The following ZCCHC8 variants were observed in gnomAD, a reference collection of about 807,000 sequenced individuals.
The protein encoded by ZCCHC8 is zinc finger CCHC-type containing 8.
In ZCCHC8, 27 loss-of-function variants were observed where a neutral mutation model predicts 70.6. The observed-to-expected ratio is 0.38, with a 90% CI of 0.28 to 0.53. The LOEUF is 0.53. Among genes scored for constraint, ZCCHC8 ranks in the 20% least tolerant of loss-of-function variants. ZCCHC8 has a pLI of 0.81. For synonymous variants in ZCCHC8, 293 were observed against 317.4 expected (o/e 0.92, Z 0.82); for missense variants, 737 against 876.9 (o/e 0.84, Z 2.01).
chr12:122,479,139 G>A (rs886573584), intron 11 of ZCCHC8, among the ~76,000 whole-genome samples: 23 of 152,182 alleles, frequency 1.5e-4, no homozygotes, highest in African/African-American at 3.9e-4. Context: ...GCAATGGCAC[G>A]ATCTCGGCTC....
intron 13 of ZCCHC8, among the ~76,000 whole-genome samples, chr12:122,475,265 G>A (rs1957396723): frequency 6.6e-6 from 1 of 152,046 alleles, no homozygotes; most frequent in African/African-American, 2.4e-5. Flanking sequence ...GGCTGGTTTC[G>A]AACTCCTGAT....
chr12:122,499,737 G>A (rs1170409192), intron 1 of ZCCHC8: 5 of 152,400 alleles, frequency 3.3e-5, no homozygotes, highest in Admixed American at 6.5e-5. Flanking sequence ...AGCTATTCGG[G>A]AGGCTGAGGC....
chr12:122,478,329 T>C (rs1215480754), intron 11 of ZCCHC8, 37 bp from the exon 12 acceptor site: 4 of 1,447,836 alleles, frequency 2.8e-6, no homozygotes, highest in Non-Finnish European at 3.8e-6. Flanking sequence ...AAAACACATG[T>C]ATTTGGAAAA....
chr12:122,476,840 C>T (rs1051327185), intron 13 of ZCCHC8, among the ~76,000 whole-genome samples: 6 of 151,222 alleles, frequency 4.0e-5, no homozygotes, highest in Admixed American at 6.6e-5. Context: ...CTGGCTAACA[C>T]GGAGAAACTC....
chr12:122,488,863 T>C (rs1593326172), intron 5 of ZCCHC8, among the ~76,000 whole-genome samples: 2 of 141,266 alleles, frequency 1.4e-5, no homozygotes, highest in Non-Finnish European at 3.0e-5. Flanking sequence ...AGGGCAAGAC[T>C]CCGTTTCAAA....
chr12:122,477,732 G>A (rs963746419), intron 13 of ZCCHC8, 109 bp downstream of exon 13: 2 of 833,762 alleles, frequency 2.4e-6, no homozygotes, highest in African/African-American at 1.7e-5. Flanking sequence ...AGAGGTTGCG[G>A]TGAGCCGAGA....
chr12:122,482,096 T>C lies in ZCCHC8; in HGVS notation c.733-9A>G, dbSNP rs778293051. On this transcript the variant is annotated splice_polypyrimidine_tract_variant and intron_variant, in intron 8 of 13. Transcript: ENST00000633063. ...CGAGCAGCATTCCGAGGCTACATCATGACACATTTGAAAAGAATGGTTTCA... is the reference window on the plus strand; with the variant it reads ...CGAGCAGCATTCCGAGGCTACATCACGACACATTTGAAAAGAATGGTTTCA... 1 of 1,591,448 alleles carries C rather than the reference T, an allele frequency of 6.3e-7. No individual in the cohort carries two copies. The highest frequency in any genetic ancestry group is 8.5e-7 in the Non-Finnish European group (1 of 1,172,228).
intron 3 of ZCCHC8, among the ~76,000 whole-genome samples, chr12:122,491,697 G>A (rs1044037957): frequency 2.6e-5 from 4 of 151,480 alleles, no homozygotes; most frequent in Non-Finnish European, 5.9e-5. Context: ...GCATGGTGGT[G>A]CATGCCTGTA....
Position 122,497,153 on chromosome 12 carries a change from C to CA in ZCCHC8, c.242+1673dup, listed in dbSNP as rs113245489. Among the ~76,000 whole-genome samples the CA allele has an allele frequency of 4.3e-3, 612 of 142,420 alleles. 2 individuals are homozygous for CA. The highest frequency in any genetic ancestry group is 0.013 in the African/African-American group (519 of 39,090). The allele number at this position is 142,420 out of a possible 152,430, so 93.4% of individuals were successfully genotyped here. A position where few individuals can be genotyped will look rare whatever the true frequency, so the allele number is the denominator to read the frequency against. ...TGGGCGACAGAGCGAGACTCCATCT[C>CA]AAAAAAAAAAAATCTGAAATATTTC... On this transcript the variant is annotated intron_variant, in intron 2 of 13. Coordinates refer to ENST00000633063, the MANE Select transcript of ZCCHC8 (RefSeq NM_017612.5).
rs1957900930 is a variant in ZCCHC8, at chr12:122,500,275, G to A, written c.199+367C>T. On this transcript the variant is annotated intron_variant, in intron 1 of 13. Transcript: ENST00000633063. This position sits in a 1 kb window ranked among gnomAD's most constrained non-coding sequence, Gnocchi z 4.8. ...CAACTGTAACATGACGGCACAATTT[G>A]AGCGTGGCTGCGAAATATGAAACCT... 2 of 233,982 alleles carry A rather than the reference G, an allele frequency of 8.5e-6. No homozygotes were observed. The highest frequency in any genetic ancestry group is 2.3e-5 in the African/African-American group (1 of 42,772). The allele number at this position is 233,982 out of a possible 1,614,324, so 14.5% of individuals were successfully genotyped here.
At chr12:122,495,847 CAAAAAAAAAAAAAAAAAAAAAAAA>C (rs538311699) in intron 2 of ZCCHC8, among the ~76,000 whole-genome samples, 6 of 78,330 alleles carry the variant, frequency 7.7e-5, no homozygotes, top group Admixed American at 1.6e-4. Context: ...CACTCTGTCT[CAAAAAAAAAAAAAAAAAAAAAAAA>C]AAAAAAAAAA....
chr12:122,498,360 C>T (rs1957861085), intron 2 of ZCCHC8, among the ~76,000 whole-genome samples: 1 of 152,018 alleles, frequency 6.6e-6, no homozygotes, highest in East Asian at 1.9e-4. Context: ...TCGAACTGAC[C>T]TCAGTTGATC....
At position 122,500,586 on chromosome 12, in the gene ZCCHC8, T is replaced by C. The variant is rs550124377; in HGVS notation, c.199+56A>G. 3 of 1,501,296 alleles carry C rather than the reference T, an allele frequency of 2.0e-6. No individual in the cohort carries two copies. In the South Asian group the frequency reaches 3.7e-5, roughly 19 times the overall value. The allele number at this position is 1,501,296 out of a possible 1,614,324, so 93.0% of individuals were successfully genotyped here. On this transcript the variant is annotated intron_variant, in intron 1 of 13. Transcript: ENST00000633063. This position sits in a 1 kb window ranked among gnomAD's most constrained non-coding sequence, Gnocchi z 4.8. ...CCCGGCGCTGCCCCGGCCCCACGCC[T>C]GGCGCTGCCCCGGCCCCACACCCGG...
In ZCCHC8 at chr12:122,483,136, T is replaced by C. The variant is rs543771199; in HGVS notation, c.671+143A>G. ...ATGATTCATTTAAACATTTAACATATATGTATGGATTAAAATTCTAGCTCA... is the reference window on the plus strand; with the variant it reads ...ATGATTCATTTAAACATTTAACATACATGTATGGATTAAAATTCTAGCTCA... On this transcript the variant is annotated intron_variant, in intron 7 of 13. Transcript: ENST00000633063. The surrounding 1 kb of genome is among the most constrained non-coding windows in gnomAD (Gnocchi z 4.4). 2 of 743,014 alleles carry C rather than the reference T, an allele frequency of 2.7e-6. No individual in the cohort carries two copies. The highest frequency in any genetic ancestry group is 5.7e-5 in the Admixed American group (2 of 35,266). The allele number at this position is 743,014 out of a possible 1,614,324, so 46.0% of individuals were successfully genotyped here.
chr12:122,473,272 C>A lies in ZCCHC8; in HGVS notation c.*225G>T. ...AAACCTTAACAAACCCTCTCTAAAC[C>A]AGGTCATATTCACATCTCCCCCCAA... On this transcript the variant is annotated 3_prime_UTR_variant, in exon 14 of 14. Coordinates refer to ENST00000633063, the MANE Select transcript of ZCCHC8 (RefSeq NM_017612.5). 2 of 534,504 alleles carry A rather than the reference C, an allele frequency of 3.7e-6. No homozygotes were observed. The highest frequency in any genetic ancestry group is 3.0e-5 in the South Asian group (1 of 32,816). 33.1% of individuals were successfully genotyped at this position (534,504 alleles called of 1,614,324 possible).
At position 122,490,483 on chromosome 12, in the gene ZCCHC8, A is replaced by C; in HGVS notation, c.402T>G (p.Thr134=). The C allele has an allele frequency of 6.2e-7, 1 of 1,612,778 alleles. No individual in the cohort carries two copies. The highest frequency in any genetic ancestry group is 1.3e-5 in the African/African-American group (1 of 75,042). ...ATACCTGGGGCAAAAGATTAAAGGA[A>C]GTCTTTTCCACATCATTTTTCTGCT... ...EEQQKNDVEK[T]SFNLLPQPSS... Residue 134 remains threonine, a synonymous_variant, in exon 4 of 14, where the codon ACT becomes ACG. Transcript: ENST00000633063.
At position 122,474,232 on chromosome 12, in the gene ZCCHC8, C is replaced by A; in HGVS notation, c.1389G>T (p.Gln463His). The A allele has an allele frequency of 6.8e-7, 1 of 1,480,854 alleles. No homozygotes were observed. The highest frequency in any genetic ancestry group is 8.9e-7 in the Non-Finnish European group (1 of 1,121,384). 91.7% of individuals were successfully genotyped at this position (1,480,854 alleles called of 1,614,324 possible). A position where few individuals can be genotyped will look rare whatever the true frequency, so the allele number is the denominator to read the frequency against. Residue 463 changes from glutamine to histidine, a missense_variant, in exon 14 of 14, where the codon CAG (glutamine) becomes CAT (histidine). Physicochemically the swap from Gln to His is conservative, Grantham distance 24. Transcript: ENST00000633063. ...PHGSQSSESF[Q>H]FQPPLPPDTP... ...TGTCAGGAGGTAATGGTGGTTGAAACTGAAAACTTTCGCTGCTCTGAGAAC... is the reference window on the plus strand; with the variant it reads ...TGTCAGGAGGTAATGGTGGTTGAAAATGAAAACTTTCGCTGCTCTGAGAAC...
chr12:122,486,972 A>G (rs1257762748), intron 5 of ZCCHC8, among the ~76,000 whole-genome samples: 2 of 152,222 alleles, frequency 1.3e-5, no homozygotes, highest in African/African-American at 4.8e-5. Context: ...CTGAAGCCTA[A>G]GAGCACCTTC....
At chr12:122,475,625 TTGCTTCA>T (rs1271170650) in intron 13 of ZCCHC8, among the ~76,000 whole-genome samples, 2 of 152,190 alleles carry the variant, frequency 1.3e-5, no homozygotes, top group African/African-American at 4.8e-5. Context: ...AGCCGCTACC[TTGCTTCA>T]GGCCCATGAC....
Sources: allele counts gnomAD v4.1 joint callset (sites outside exome capture counted in the v4.1 genomes callset), GRCh38; gene constraint gnomAD v4.1.1; non-coding constraint Gnocchi (gnomAD v3.1); transcripts MANE v1.5; gene names NCBI Gene and HGNC (gene_info 2026-07-23, HGNC 2026-07-21).